Variants in PRDM16 observed in about 807,000 individuals in gnomAD.
PRDM16 encodes the protein PR/SET domain 16.
Under a neutral mutation model 110.6 loss-of-function variants are expected in PRDM16, and 23 were observed. That is an observed-to-expected ratio of 0.21 (90% CI 0.15 to 0.29). The LOEUF (loss-of-function observed/expected upper bound fraction) is 0.29, where lower values mean the gene tolerates loss of function less well. Among genes scored for constraint, PRDM16 ranks in the 10% least tolerant of loss-of-function variants. The probability of loss-of-function intolerance (pLI) is 1.00; values close to 1 mark genes in which losing one functional copy is unlikely to be tolerated. For synonymous variants in PRDM16, 799 were observed against 781.8 expected (o/e 1.02, Z -0.37); for missense variants, 1,615 against 1,794.3 (o/e 0.90, Z 1.81).
chr1:3,408,515 C>CGT (rs199502546), intron 8 of PRDM16, among the ~76,000 whole-genome samples: 3 of 148,632 alleles, frequency 2.0e-5, no homozygotes, highest in East Asian at 2.0e-4. Flanking sequence ...TGCACCGGTG[C>CGT]GTGTGTGTGT....
At chr1:3,139,606 G>T (rs1427857965) in intron 1 of PRDM16, among the ~76,000 whole-genome samples, 1 of 152,264 alleles carries the variant, frequency 6.6e-6, no homozygotes, top group Non-Finnish European at 1.5e-5. Context: ...GCCAAGCATT[G>T]TTACAATATC....
At chr1:3,371,208 C>T (rs61695262) in intron 3 of PRDM16, among the ~76,000 whole-genome samples, 626 of 18,442 alleles carry the variant, frequency 0.034, 1 homozygote, top group African/African-American at 0.29. Flanking sequence ...CATCCATCCA[C>T]CCACCCACCC....
At chr1:3,271,156 AGT>A (rs1306459086) in intron 3 of PRDM16, among the ~76,000 whole-genome samples, 1 of 152,210 alleles carries the variant, frequency 6.6e-6, no homozygotes. Flanking sequence ...CATTCACGCC[AGT>A]GTGGGGCCCC....
rs570000425 is a variant in PRDM16 at position 3,390,402 on chromosome 1, C to G, written c.573+5116C>G. Among the ~76,000 whole-genome samples the G allele has an allele frequency of 2.0e-5, 3 of 152,268 alleles. No homozygotes were observed. In the East Asian group the frequency reaches 5.8e-4, roughly 30 times the overall value. ...GGCTCTCAAACGACCTGTAGCACCC[C>G]TGGATTGAGAGAAGCAGCCCCAATC... On this transcript the variant is annotated intron_variant, in intron 4 of 16. Transcript: ENST00000270722. This position sits in a 1 kb window ranked among gnomAD's most constrained non-coding sequence, Gnocchi z 5.0.
intron 3 of PRDM16, among the ~76,000 whole-genome samples, chr1:3,297,104 C>T (rs1408122728): frequency 1.3e-5 from 2 of 152,140 alleles, no homozygotes; most frequent in African/African-American, 2.4e-5. Flanking sequence ...TCTCAGACCT[C>T]GTGGGGTGTA....
chr1:3,385,062 A>C (rs1643172554), intron 3 of PRDM16, 90 bp from the exon 4 acceptor site: 1 of 1,537,814 alleles, frequency 6.5e-7, no homozygotes, highest in Admixed American at 1.7e-5. Context: ...ACTTGAGCCC[A>C]AACAGCCAGG....
intron 1 of PRDM16, among the ~76,000 whole-genome samples, chr1:3,086,209 C>T (rs1346755737): frequency 2.6e-5 from 4 of 152,122 alleles, no homozygotes; most frequent in Admixed American, 6.5e-5. Context: ...CTCGTGAGTG[C>T]GTGAGGCCTT....
At chr1:3,354,144 C>T (rs1642547215) in intron 3 of PRDM16, among the ~76,000 whole-genome samples, 1 of 152,172 alleles carries the variant, frequency 6.6e-6, no homozygotes, top group Non-Finnish European at 1.5e-5. Context: ...GACTGCAGAG[C>T]ATTTGAGACG....
At chr1:3,273,996 A>G (rs958693242) in intron 3 of PRDM16, among the ~76,000 whole-genome samples, 11 of 151,074 alleles carry the variant, frequency 7.3e-5, no homozygotes, top group East Asian at 3.9e-4. Flanking sequence ...AAAAAAAAAA[A>G]AAAGCCACTG....
At chr1:3,331,445 G>A (rs1251140989) in intron 3 of PRDM16, among the ~76,000 whole-genome samples, 3 of 146,286 alleles carry the variant, frequency 2.1e-5, no homozygotes, top group African/African-American at 5.3e-5. Flanking sequence ...TTCAAAGCAC[G>A]TTTGTTGAAT....
chr1:3,182,268 G>A (rs186450139), intron 1 of PRDM16, among the ~76,000 whole-genome samples: 1 of 152,364 alleles, frequency 6.6e-6, no homozygotes, highest in East Asian at 1.9e-4. Flanking sequence ...CTGACACAGA[G>A]CCGCTCGGCG....
At chr1:3,117,179 T>C (rs1473698718) in intron 1 of PRDM16, among the ~76,000 whole-genome samples, 1 of 152,184 alleles carries the variant, frequency 6.6e-6, no homozygotes, top group African/African-American at 2.4e-5. Context: ...CATTCATCTC[T>C]GGTTTCTTGT....
rs569768767 is a variant in PRDM16 at position 3,120,121 on chromosome 1, C to T, written c.37+50825C>T. 9.1e-5 allele frequency among the ~76,000 whole-genome samples: 13 copies of T among 142,132 alleles called. No homozygotes were observed. In the South Asian group the frequency reaches 2.0e-3, roughly 22 times the overall value. 93.2% of individuals were successfully genotyped at this position (142,132 alleles called of 152,430 possible). ...ATCCCACAGGTGGCCCCTGAGCTTC[C>T]GTGGGGGATGGCAGGGTCAGCCCTC... On this transcript the variant is annotated intron_variant, in intron 1 of 16. Coordinates refer to ENST00000270722, the MANE Select transcript of PRDM16 (RefSeq NM_022114.4).
intron 3 of PRDM16, among the ~76,000 whole-genome samples, chr1:3,344,142 G>C (rs1457904158): frequency 6.6e-6 from 1 of 152,112 alleles, no homozygotes; most frequent in Admixed American, 6.5e-5. Context: ...TTCTAGACCA[G>C]CCTGGACAAC....
chr1:3,345,759 TCGGG>T (rs879906100), intron 3 of PRDM16, among the ~76,000 whole-genome samples: 46,003 of 151,356 alleles, frequency 0.3, 7,531 homozygotes, highest in African/African-American at 0.37. Flanking sequence ...AGGCCACCCC[TCGGG>T]TCCTCCCGTG....
At chr1:3,361,275 G>A (rs756052668) in intron 3 of PRDM16, among the ~76,000 whole-genome samples, 3 of 152,148 alleles carry the variant, frequency 2.0e-5, no homozygotes, top group Admixed American at 6.5e-5. Context: ...TCAGCTGCAC[G>A]CCAGCCCCCA....
intron 1 of PRDM16, among the ~76,000 whole-genome samples, chr1:3,099,606 G>A (rs1642486115): frequency 6.6e-6 from 1 of 152,186 alleles, no homozygotes; most frequent in Admixed American, 6.5e-5. Context: ...CACAGAGAGA[G>A]GTGCTCCCTG....
intron 1 of PRDM16, among the ~76,000 whole-genome samples, chr1:3,155,330 C>T (rs1643841928): frequency 6.6e-6 from 1 of 152,256 alleles, no homozygotes; most frequent in African/African-American, 2.4e-5. Flanking sequence ...GGCTGCAGGG[C>T]TTGGCCGCGG....
chr1:3,380,185 C>T (rs1643078146), intron 3 of PRDM16, among the ~76,000 whole-genome samples: 2 of 151,328 alleles, frequency 1.3e-5, no homozygotes, highest in Non-Finnish European at 2.9e-5. Context: ...GCACTCATTG[C>T]TGGTTCAGGG....
Sources: gnomAD v4.1 joint callset for allele counts (sites outside exome capture counted in the v4.1 genomes callset) on GRCh38, gnomAD v4.1.1 for gene constraint, Gnocchi (gnomAD v3.1) non-coding constraint, MANE v1.5 for transcripts, NCBI Gene and HGNC (gene_info 2026-07-23, HGNC 2026-07-21) for gene names.